TAS2R1: variants seen among roughly 807,000 people sequenced by gnomAD.
TAS2R1 encodes the protein taste receptor type 2 member 1.
For missense variants in TAS2R1, 370 were observed against 353.4 expected (o/e 1.05, Z -0.38); for synonymous variants, 141 against 134.2 (o/e 1.05, Z -0.35).
chr5:9,779,820 T>C, the TAS2R1 span, among the ~76,000 whole-genome samples: 3 of 152,198 alleles, frequency 2.0e-5, no homozygotes, highest in Admixed American at 2.0e-4. Context: ...ATAGATAGTC[T>C]TGTTGGATGC....
chr5:9,769,885 C>A, the TAS2R1 span, among the ~76,000 whole-genome samples: 4 of 151,968 alleles, frequency 2.6e-5, no homozygotes, highest in African/African-American at 9.7e-5. Flanking sequence ...TTTCTTGATT[C>A]TTTCCTTGTC....
At chr5:9,863,746 T>G in the TAS2R1 span, among the ~76,000 whole-genome samples, 1 of 152,220 alleles carries the variant, frequency 6.6e-6, no homozygotes, top group Admixed American at 6.5e-5. Flanking sequence ...AAAAGTGTCT[T>G]TGAAGAGGAT....
chr5:9,897,251 C>G, the TAS2R1 span, among the ~76,000 whole-genome samples: 3,419 of 152,230 alleles, frequency 0.022, 57 homozygotes, highest in South Asian at 0.078. Context: ...GAGTTCCAGA[C>G]CAGCCTGGCC....
chr5:9,869,198 T>C, the TAS2R1 span, among the ~76,000 whole-genome samples: 1 of 152,208 alleles, frequency 6.6e-6, no homozygotes. Flanking sequence ...TTCAACTCTC[T>C]GCAGTATCAA....
the TAS2R1 span, among the ~76,000 whole-genome samples, chr5:9,864,980 C>T: frequency 2.0e-5 from 3 of 152,272 alleles, no homozygotes; most frequent in East Asian, 1.9e-4. Flanking sequence ...GGTTGACCTC[C>T]TCATATCTTC....
At chr5:9,884,906 T>G in the TAS2R1 span, among the ~76,000 whole-genome samples, 1 of 152,266 alleles carries the variant, frequency 6.6e-6, no homozygotes, top group African/African-American at 2.4e-5. Context: ...TGATTCAAAA[T>G]GTTCTTACTT....
At chr5:9,738,750 T>C in the TAS2R1 span, among the ~76,000 whole-genome samples, 7,288 of 152,166 alleles carry the variant, frequency 0.048, 517 homozygotes, top group East Asian at 0.19. Flanking sequence ...CCTAAAGTAA[T>C]GACTAATAAA....
At chr5:9,733,507 G>A in the TAS2R1 span, among the ~76,000 whole-genome samples, 171 of 152,344 alleles carry the variant, frequency 1.1e-3, 1 homozygote, top group South Asian at 0.016. Flanking sequence ...AACCAGTGGA[G>A]ATCTGGGAAA....
the TAS2R1 span, among the ~76,000 whole-genome samples, chr5:9,774,225 G>A: frequency 4.1e-4 from 62 of 152,180 alleles, 1 homozygote; most frequent in Middle Eastern, 0.014. Context: ...GGCATCCTTC[G>A]GATGTCAATT....
chr5:9,754,543 T>C, the TAS2R1 span, among the ~76,000 whole-genome samples: 1 of 152,170 alleles, frequency 6.6e-6, no homozygotes, highest in East Asian at 1.9e-4. Flanking sequence ...GATAGGCAAC[T>C]TCAGCAAAGT....
chr5:9,879,257 C>T, the TAS2R1 span, among the ~76,000 whole-genome samples: 1 of 152,190 alleles, frequency 6.6e-6, no homozygotes, highest in Non-Finnish European at 1.5e-5. Flanking sequence ...CTGGGATGAA[C>T]CATATTGGAG....
chr5:9,786,322 A>G, the TAS2R1 span, among the ~76,000 whole-genome samples: 2 of 152,222 alleles, frequency 1.3e-5, no homozygotes, highest in Non-Finnish European at 2.9e-5. Flanking sequence ...ACAAAGACCC[A>G]TATGAAAGTT....
At chr5:9,659,475 C>T (rs1481322249) in exon 2 of TAS2R1, 2 of 151,948 alleles carry the variant, frequency 1.3e-5, no homozygotes, top group Non-Finnish European at 2.9e-5. Context: ...TGTTTTCCCA[C>T]ACCGCAAGGT....
chr5:9,764,747 A>T, the TAS2R1 span, among the ~76,000 whole-genome samples: 2 of 152,260 alleles, frequency 1.3e-5, no homozygotes, highest in African/African-American at 4.8e-5. Context: ...AGAACATGGC[A>T]CAGGATACAG....
the TAS2R1 span, among the ~76,000 whole-genome samples, chr5:9,744,423 C>A: frequency 6.6e-6 from 1 of 152,140 alleles, no homozygotes; most frequent in African/African-American, 2.4e-5. Context: ...TAAAACCCAA[C>A]TATTCTTTTC....
intron 1 of TAS2R1, among the ~76,000 whole-genome samples, chr5:9,687,506 G>A (rs1020744860): frequency 1.3e-5 from 2 of 151,846 alleles, no homozygotes; most frequent in African/African-American, 2.4e-5. Flanking sequence ...CTGACCATTC[G>A]CCCCACCCCC....
At chr5:9,873,872 GAA>G in the TAS2R1 span, among the ~76,000 whole-genome samples, 1 of 121,704 alleles carries the variant, frequency 8.2e-6, no homozygotes, top group Non-Finnish European at 1.7e-5. Flanking sequence ...CTGTCTCGGG[GAA>G]AAAAAAAAAA....
the TAS2R1 span, among the ~76,000 whole-genome samples, chr5:9,729,572 ACCC>A: frequency 1.4e-5 from 2 of 140,062 alleles, no homozygotes; most frequent in African/African-American, 3.0e-5. Context: ...AATCCAAAAG[ACCC>A]TTTTTTTTAA....
chr5:9,720,537 G>C, the TAS2R1 span, among the ~76,000 whole-genome samples: 1 of 152,238 alleles, frequency 6.6e-6, no homozygotes, highest in African/African-American at 2.4e-5. Context: ...TAACGCCAAG[G>C]GGAAGCGAAG....
Sources: gnomAD v4.1 joint callset for allele counts (sites outside exome capture counted in the v4.1 genomes callset) on GRCh38, gnomAD v4.1.1 for gene constraint, MANE v1.5 for transcripts, NCBI Gene and HGNC (gene_info 2026-07-23, HGNC 2026-07-21) for gene names.